Variants in PTDSS2 observed in about 807,000 individuals in gnomAD.
PTDSS2 encodes the protein phosphatidylserine synthase 2, also known as PSS-2.
In PTDSS2, 41 loss-of-function variants were observed where a neutral mutation model predicts 64.7. The observed-to-expected ratio is 0.63, with a 90% CI of 0.49 to 0.82. The LOEUF (loss-of-function observed/expected upper bound fraction) is 0.82, where lower values mean the gene tolerates loss of function less well. Ranked by LOEUF, PTDSS2 falls within the 40% of genes least tolerant of loss-of-function variation. The probability of loss-of-function intolerance (pLI) is 0.00; values close to 1 mark genes in which losing one functional copy is unlikely to be tolerated. For synonymous variants in PTDSS2, 297 were observed against 277.8 expected, an observed-to-expected ratio of 1.07 and a Z score of -0.69; for missense variants, 485 against 650.0, an observed-to-expected ratio of 0.75 and a Z score of 2.76.
At chr11:483,906 C>T (rs1199131938) in intron 4 of PTDSS2, among the ~76,000 whole-genome samples, 1 of 152,162 alleles carries the variant, frequency 6.6e-6, no homozygotes, top group Non-Finnish European at 1.5e-5. Flanking sequence ...ACCTTGACTG[C>T]CTGGCGAGAT....
At chr11:453,325 T>C (rs1846433327) in intron 1 of PTDSS2, among the ~76,000 whole-genome samples, 1 of 152,262 alleles carries the variant, frequency 6.6e-6, no homozygotes, top group Non-Finnish European at 1.5e-5. Context: ...GGGAGAACAC[T>C]TGGGGACCCC....
chr11:449,916 C>T (rs528824773), upstream of PTDSS2, among the ~76,000 whole-genome samples: 15 of 152,214 alleles, frequency 9.9e-5, no homozygotes, highest in Non-Finnish European at 1.6e-4. Flanking sequence ...CCATTGCACT[C>T]CAGCTCGGGC....
chr11:485,430 T>C (rs1048129707), intron 4 of PTDSS2, among the ~76,000 whole-genome samples: 10 of 145,720 alleles, frequency 6.9e-5, no homozygotes, highest in African/African-American at 2.6e-4. Flanking sequence ...GACGCGTGTG[T>C]GCTCACCGTG....
At chr11:475,952 G>A (rs1374689436) in intron 3 of PTDSS2, among the ~76,000 whole-genome samples, 2 of 152,192 alleles carry the variant, frequency 1.3e-5, no homozygotes, top group Non-Finnish European at 2.9e-5. Context: ...GAATTAAAGG[G>A]CATACACAGT....
At chr11:488,342 C>T (rs779280284) in intron 7 of PTDSS2, 30 bp downstream of exon 7, 15 of 1,562,508 alleles carry the variant, frequency 9.6e-6, no homozygotes, top group South Asian at 3.3e-5. Flanking sequence ...CCGGGGCAGT[C>T]GGTGCAGGCT....
At chr11:477,068 T>C (rs914952491) in intron 3 of PTDSS2, among the ~76,000 whole-genome samples, 1 of 152,202 alleles carries the variant, frequency 6.6e-6, no homozygotes, top group Non-Finnish European at 1.5e-5. Flanking sequence ...CCCTGTGGGC[T>C]CTGCCCACCT....
At chr11:480,909 C>T (rs184427095) in intron 4 of PTDSS2, among the ~76,000 whole-genome samples, 13 of 152,116 alleles carry the variant, frequency 8.5e-5, no homozygotes, top group Middle Eastern at 3.4e-3. Context: ...GGTGAAACCC[C>T]GTCTCTACTG....
At chr11:480,991 A>G (rs1848045262) in intron 4 of PTDSS2, among the ~76,000 whole-genome samples, 1 of 151,404 alleles carries the variant, frequency 6.6e-6, no homozygotes, top group Admixed American at 6.6e-5. Context: ...GGCTGAGGCA[A>G]GTGAATGGCC....
rs149316958 is a variant in PTDSS2 at position 490,811 on chromosome 11, C to CGTGTGTGCGT, written c.*230_*231insTGTGTGCGTG. 6 of 582,022 alleles carry CGTGTGTGCGT rather than the reference C, an allele frequency of 1.0e-5. No individual in the cohort carries two copies. Among genetic ancestry groups the CGTGTGTGCGT allele is most frequent in the African/African-American group, 3.7e-5 (2 of 53,500 alleles). The allele number at this position is 582,022 out of a possible 1,614,324, so 36.1% of individuals were successfully genotyped here. A position where few individuals can be genotyped will look rare whatever the true frequency, so the allele number is the denominator to read the frequency against. ...ATGCGTGTGTGTACGCGTGTGTACG[C>CGTGTGTGCGT]GCGTGTGTACACATGCGTGGCCGCC... On this transcript the variant is annotated 3_prime_UTR_variant, in exon 12 of 12. Transcript: ENST00000308020.
intron 2 of PTDSS2, among the ~76,000 whole-genome samples, chr11:466,708 C>T (rs1003142239): frequency 2.6e-5 from 4 of 152,106 alleles, no homozygotes; most frequent in Admixed American, 6.6e-5. Context: ...CGCGCACGGC[C>T]AAAACTGCCG....
At chr11:458,366 C>T (rs535576228) in intron 1 of PTDSS2, among the ~76,000 whole-genome samples, 22 of 151,692 alleles carry the variant, frequency 1.5e-4, no homozygotes, top group Middle Eastern at 3.4e-3. Context: ...CCACCACACC[C>T]GGCTAATTTT....
chr11:488,198 G>C lies in PTDSS2; in HGVS notation c.622-1G>C. ...ACTCTGGCTGACCCTGGCGCCCACA[G>C]ACCCTGATGATCCGAGACTGGTGGA... On this transcript the variant is annotated splice_acceptor_variant, in intron 6 of 11. Transcript: ENST00000308020. LOFTEE classifies it high-confidence loss of function. The C allele has an allele frequency of 6.2e-7, 1 of 1,610,830 alleles. No individual in the cohort carries two copies. The highest frequency in any genetic ancestry group is 8.5e-7 in the Non-Finnish European group (1 of 1,177,740).
At chr11:475,080 A>G (rs539552739) in intron 3 of PTDSS2, among the ~76,000 whole-genome samples, 1 of 150,030 alleles carries the variant, frequency 6.7e-6, no homozygotes, top group East Asian at 2.0e-4. Flanking sequence ...GGACACATTC[A>G]CGTGTTTGTG....
Position 470,166 on chromosome 11 carries a change from A to G in PTDSS2, c.285-3729A>G, listed in dbSNP as rs1847355469. ...CCTGGGCGTGCAGCACGGAGAGGGC[A>G]GTGGGAGGAGGACGCTGCAGCCGAG... On this transcript the variant is annotated intron_variant, in intron 2 of 11. Transcript: ENST00000308020. This position sits in a 1 kb window ranked among gnomAD's most constrained non-coding sequence, Gnocchi z 5.3. Among the ~76,000 whole-genome samples the G allele has an allele frequency of 6.6e-6, 1 of 152,194 alleles. No individual in the cohort carries two copies. Among genetic ancestry groups the G allele is most frequent in the South Asian group, 2.1e-4 (1 of 4,834 alleles).
At chr11:449,702 C>T (rs1392529568), upstream of PTDSS2, among the ~76,000 whole-genome samples, 1 of 152,224 alleles carries the variant, frequency 6.6e-6, no homozygotes, top group Non-Finnish European at 1.5e-5. Context: ...GTAATCCCAG[C>T]ACTTTGGGAG....
Position 489,924 on chromosome 11 carries a change from C to T in PTDSS2, c.1157C>T (p.Ala386Val), listed in dbSNP as rs376840887. The change falls in exon 11 of 12, where the codon GCG becomes GTG. Residue 386 changes from alanine to valine, a missense_variant. Transcript: ENST00000308020. ...CTGGGCCCGCAGGCCTGGCTGGTGG[C>T]GGCCATCACGGCCACGGAGCTGCTC... Reference protein sequence around the residue: ...KKLGPQAWLVAAITATELLIV... With the variant: ...KKLGPQAWLVVAITATELLIV... The T allele has an allele frequency of 3.7e-6, 6 of 1,602,812 alleles. No individual in the cohort carries two copies. The highest frequency in any genetic ancestry group is 2.2e-5 in the South Asian group (2 of 89,856).
intron 9 of PTDSS2, 26 bp from the exon 10 acceptor site, chr11:489,562 C>G: frequency 1.1e-5 from 17 of 1,607,932 alleles, no homozygotes; most frequent in Non-Finnish European, 1.4e-5. Flanking sequence ...GGGGCCAGAG[C>G]TGGTGCTCAC....
Position 460,209 on chromosome 11 carries a change from C to A in PTDSS2, c.205C>A (p.Leu69Ile). 1 of 1,614,180 alleles carries A rather than the reference C, an allele frequency of 6.2e-7. No individual in the cohort carries two copies. The highest frequency in any genetic ancestry group is 8.5e-7 in the Non-Finnish European group (1 of 1,180,008). Residue 69 changes from leucine to isoleucine, a missense_variant, in exon 2 of 12, where the codon CTC becomes ATC. Coordinates refer to ENST00000308020, the MANE Select transcript of PTDSS2 (RefSeq NM_030783.3). This position sits in a 1 kb window ranked among gnomAD's most constrained non-coding sequence, Gnocchi z 5.8. The stretch of plus-strand genomic sequence containing the variant: ...CAGGCGAGCCCACACCTTAACCGTG[C>A]TCTTCATCCTCACCTGTACGCTTGG... The part of the protein sequence containing the change: ...FFWRAHTLTV[L>I]FILTCTLGYV...
intron 1 of PTDSS2, 95 bp downstream of exon 1, chr11:450,732 C>T: frequency 9.2e-7 from 1 of 1,091,298 alleles, no homozygotes; most frequent in South Asian, 4.7e-5. Context: ...CGCCCTCTCG[C>T]CGTCTTGGAG....
Sources: gnomAD v4.1 joint callset for allele counts (sites outside exome capture counted in the v4.1 genomes callset) on GRCh38, gnomAD v4.1.1 for gene constraint, Gnocchi (gnomAD v3.1) non-coding constraint, MANE v1.5 for transcripts, NCBI Gene and HGNC (gene_info 2026-07-23, HGNC 2026-07-21) for gene names.